Variants in ZMYND11 observed in about 807,000 individuals in gnomAD.
ZMYND11 encodes the protein zinc finger MYND-type containing 11, also known as zinc finger MYND domain-containing protein 11.
ZMYND11 carries 9 observed loss-of-function variants against 84.9 expected under a neutral mutation model. The observed-to-expected ratio is 0.11, with a 90% CI of 0.06 to 0.18. The LOEUF (loss-of-function observed/expected upper bound fraction) is 0.18. Ranked by LOEUF, ZMYND11 falls within the 10% of genes least tolerant of loss-of-function variation. ZMYND11 has a pLI of 1.00. For synonymous variants in ZMYND11, 250 were observed against 244.1 expected (o/e 1.02, Z -0.23); for missense variants, 409 against 761.0 (o/e 0.54, Z 5.44).
At chr10:217,759 G>C (rs1946440176) in intron 3 of ZMYND11, among the ~76,000 whole-genome samples, 2 of 152,120 alleles carry the variant, frequency 1.3e-5, no homozygotes, top group South Asian at 4.1e-4. Flanking sequence ...AAACCGTGTA[G>C]ACTGCGTACT....
In ZMYND11 at chr10:189,427, A is replaced by T. The variant is rs1564349014; in HGVS notation, c.116+9299A>T. 2.0e-5 allele frequency among the ~76,000 whole-genome samples: 3 copies of T among 152,378 alleles called. No homozygotes were observed. The South Asian group carries it at 6.2e-4, about 32-fold the overall frequency. ...AAGTTACTTCTTTGGAAATAAGTTC[A>T]TTAAAAAACAACTGATTAGTATTAT... On this transcript the variant is annotated intron_variant, in intron 2 of 14. Transcript: ENST00000381604.
At chr10:185,915 T>C (rs1370021033) in intron 2 of ZMYND11, among the ~76,000 whole-genome samples, 1 of 152,044 alleles carries the variant, frequency 6.6e-6, no homozygotes, top group East Asian at 1.9e-4. Flanking sequence ...TAATTCCTTC[T>C]GACAGAGGTA....
At chr10:241,945 CTAGTT>C in intron 9 of ZMYND11, 71 bp from the exon 10 acceptor site, 3 of 1,497,618 alleles carry the variant, frequency 2.0e-6, no homozygotes, top group East Asian at 2.3e-5. Flanking sequence ...TTATATGTGA[CTAGTT>C]TAATATTAAT....
intron 2 of ZMYND11, among the ~76,000 whole-genome samples, chr10:190,341 C>T (rs1940017969): frequency 6.6e-6 from 1 of 152,188 alleles, no homozygotes; most frequent in African/African-American, 2.4e-5. Flanking sequence ...GTGAAGTCCA[C>T]ATTCCCATGC....
Position 249,515 on chromosome 10 carries a change from A to G in ZMYND11, c.1686+427A>G, listed in dbSNP as rs146560252. The G allele has an allele frequency of 5.2e-4, 511 of 984,896 alleles. 1 individual carries two copies. In the African/African-American group the frequency reaches 8.4e-3, roughly 16 times the overall value. 61.0% of individuals were successfully genotyped at this position (984,896 alleles called of 1,614,324 possible). On this transcript the variant is annotated intron_variant, in intron 14 of 14. Transcript: ENST00000381604. Reference sequence around the variant, plus strand: ...CCTGCACTTAACATTTATACATTAGATTTTGTTAAAGAAATCAGTTACTTT... The same window carrying G: ...CCTGCACTTAACATTTATACATTAGGTTTTGTTAAAGAAATCAGTTACTTT...
At chr10:198,614 C>T (rs532949135) in intron 2 of ZMYND11, among the ~76,000 whole-genome samples, 5 of 152,172 alleles carry the variant, frequency 3.3e-5, no homozygotes, top group East Asian at 3.9e-4. Context: ...TTTCACCTCT[C>T]GTTGGCATTT....
intron 1 of ZMYND11, among the ~76,000 whole-genome samples, chr10:174,427 A>G (rs1012742964): frequency 6.6e-6 from 1 of 152,212 alleles, no homozygotes; most frequent in African/African-American, 2.4e-5. Flanking sequence ...AGCACAGACA[A>G]TTTTTAATTC....
chr10:242,618 T>C (rs79600132), intron 10 of ZMYND11, among the ~76,000 whole-genome samples: 3,018 of 152,332 alleles, frequency 0.02, 95 homozygotes, highest in African/African-American at 0.068. Context: ...GCAATTTATT[T>C]GGTTCATTTA....
At chr10:204,906 C>A (rs1049687374) in intron 2 of ZMYND11, among the ~76,000 whole-genome samples, 3 of 151,272 alleles carry the variant, frequency 2.0e-5, no homozygotes, top group African/African-American at 4.9e-5. Flanking sequence ...AGATTATATT[C>A]AAATATTTTA....
At chr10:186,228 G>C (rs542982051) in intron 2 of ZMYND11, among the ~76,000 whole-genome samples, 1 of 151,708 alleles carries the variant, frequency 6.6e-6, no homozygotes, top group African/African-American at 2.4e-5. Flanking sequence ...AGCCGGGATG[G>C]TCTCAATCTC....
At position 236,939 on chromosome 10, in the gene ZMYND11, T is replaced by C. The variant is rs752713673; in HGVS notation, c.516+24T>C. 5.6e-6 allele frequency: 9 copies of C among 1,597,408 alleles called. No individual in the cohort carries two copies. In the Admixed American group the frequency reaches 1.6e-4, roughly 28 times the overall value. ...GGGTGAGTCCTGCTCAGGGAATCTTTCAAAATATCCCAAAACACATTTTAC... is the reference window on the plus strand; with the variant it reads ...GGGTGAGTCCTGCTCAGGGAATCTTCCAAAATATCCCAAAACACATTTTAC... On this transcript the variant is annotated intron_variant, in intron 5 of 14. Coordinates refer to ENST00000381604, the MANE Select transcript of ZMYND11 (RefSeq NM_001370100.5).
chr10:179,839 C>T (rs1847456349), intron 1 of ZMYND11, among the ~76,000 whole-genome samples, 155 bp from the exon 2 acceptor site: 1 of 152,074 alleles, frequency 6.6e-6, no homozygotes, highest in Non-Finnish European at 1.5e-5. Flanking sequence ...TATGAAGTAA[C>T]TGGTGATGTG....
rs1947094097 is a variant in ZMYND11 at position 221,293 on chromosome 10, G to T, written c.375G>T (p.Lys125Asn). 1.2e-6 allele frequency: 2 copies of T among 1,613,916 alleles called. No individual in the cohort carries two copies. The highest frequency in any genetic ancestry group is 1.3e-5 in the African/African-American group (1 of 74,912). Reference sequence around the variant, plus strand: ...TGTGTTTTCGTGTGTATCATTCCAAGTGTTTGTCTGATGAGTTCAGGCTTA... The same window carrying T: ...TGTGTTTTCGTGTGTATCATTCCAATTGTTTGTCTGATGAGTTCAGGCTTA... ...CDLCFRVYHS[K>N]CLSDEFRLRD... Residue 125 changes from lysine to asparagine, a missense_variant, in exon 4 of 15, where the codon AAG becomes AAT. Physicochemically the swap from Lys to Asn is moderately conservative, Grantham distance 94 (BLOSUM62 0). Around this residue, in one of 7 missense-constraint regions of ZMYND11, gnomAD observed 73 missense variants for 185.8 expected, o/e 0.39. Coordinates refer to ENST00000381604, the MANE Select transcript of ZMYND11 (RefSeq NM_001370100.5).
intron 2 of ZMYND11, among the ~76,000 whole-genome samples, chr10:201,375 G>T (rs993665411): frequency 6.6e-6 from 1 of 152,086 alleles, no homozygotes; most frequent in African/African-American, 2.4e-5. Flanking sequence ...GTGGTGGTTC[G>T]TTCTTCCACT....
intron 11 of ZMYND11, 116 bp downstream of exon 11, chr10:247,089 A>T: frequency 8.9e-7 from 1 of 1,123,056 alleles, no homozygotes; most frequent in Non-Finnish European, 1.3e-6. Context: ...CCTTTTTTAC[A>T]TTTGTAAAGT....
chr10:137,701 T>C (rs990271675), intron 1 of ZMYND11, among the ~76,000 whole-genome samples: 3 of 152,286 alleles, frequency 2.0e-5, no homozygotes, highest in South Asian at 4.1e-4. Context: ...AGAAAAAATA[T>C]GAATGTCTGT....
chr10:207,571 G>A (rs1386533938), intron 2 of ZMYND11, among the ~76,000 whole-genome samples: 1 of 152,142 alleles, frequency 6.6e-6, no homozygotes, highest in East Asian at 1.9e-4. Context: ...GTTTTGATTG[G>A]CATTTCTCTG....
chr10:209,749 CT>C, intron 2 of ZMYND11, 139 bp from the exon 3 acceptor site: 2 of 94,368 alleles, frequency 2.1e-5, no homozygotes, highest in South Asian at 3.6e-4. Context: ...CGTGTTCGTT[CT>C]TTATCTTGTT....
intron 2 of ZMYND11, among the ~76,000 whole-genome samples, chr10:199,224 ACTCTCTCTCTCTCCCTTCCCCCCTCG>A (rs1942510210): frequency 6.8e-6 from 1 of 146,754 alleles, no homozygotes; most frequent in Non-Finnish European, 1.5e-5. Context: ...TGGTAGCAGA[ACTCTCTCTCTCTCCCTTCCCCCCTCG>A]CTCGCTCTCT....
Sources: allele counts gnomAD v4.1 joint callset (sites outside exome capture counted in the v4.1 genomes callset), GRCh38; gene constraint gnomAD v4.1.1; regional missense constraint gnomAD v4.1.1; transcripts MANE v1.5; gene names NCBI Gene and HGNC (gene_info 2026-07-23, HGNC 2026-07-21).